The following PLEKHA7 variants were observed in gnomAD, a reference collection of about 807,000 sequenced individuals.
PLEKHA7 encodes the protein pleckstrin homology domain containing A7.
Under a neutral mutation model 170.0 loss-of-function variants are expected in PLEKHA7, and 104 were observed. The ratio of observed to expected loss-of-function variants is 0.61; its 90% CI spans 0.52 to 0.72. The LOEUF (loss-of-function observed/expected upper bound fraction) is 0.72. PLEKHA7 is among the 30% of genes least tolerant of loss of function. The probability of loss-of-function intolerance (pLI) is 0.00; values close to 1 mark genes in which losing one functional copy is unlikely to be tolerated. For missense variants in PLEKHA7, 1,615 were observed against 1,671.7 expected, an observed-to-expected ratio of 0.97 and a Z score of 0.59; for synonymous variants, 648 against 660.8, an observed-to-expected ratio of 0.98 and a Z score of 0.30.
At chr11:16,982,509 G>A (rs1272932475) in intron 3 of PLEKHA7, among the ~76,000 whole-genome samples, 1 of 152,226 alleles carries the variant, frequency 6.6e-6, no homozygotes, top group Non-Finnish European at 1.5e-5. Flanking sequence ...CCACTCTACA[G>A]AGATCTCAAG....
intron 3 of PLEKHA7, among the ~76,000 whole-genome samples, chr11:16,875,413 C>T (rs972172650): frequency 6.7e-6 from 1 of 149,946 alleles, no homozygotes. Context: ...AGAGTAATGG[C>T]TTCTGAATAC....
At chr11:16,843,773 C>T (rs1235201681) in intron 8 of PLEKHA7, among the ~76,000 whole-genome samples, 4 of 152,008 alleles carry the variant, frequency 2.6e-5, no homozygotes, top group Admixed American at 6.5e-5. Flanking sequence ...CCCATCTCTA[C>T]TAAAAATAAA....
chr11:16,780,514 C>T (rs888037477), intron 26 of PLEKHA7, among the ~76,000 whole-genome samples: 3 of 152,240 alleles, frequency 2.0e-5, no homozygotes, highest in African/African-American at 4.8e-5. Context: ...ATCTGTAGAA[C>T]TGGACTTTTC....
chr11:16,885,314 A>G (rs1856000521), intron 3 of PLEKHA7, among the ~76,000 whole-genome samples: 1 of 150,664 alleles, frequency 6.6e-6, no homozygotes, highest in South Asian at 2.1e-4. Flanking sequence ...TGGGCGACAG[A>G]GTGAGACTCC....
At chr11:17,007,050 C>T (rs192705843) in intron 3 of PLEKHA7, among the ~76,000 whole-genome samples, 55 of 152,322 alleles carry the variant, frequency 3.6e-4, no homozygotes, top group Non-Finnish European at 5.0e-4. Flanking sequence ...CTCGGAGGAC[C>T]AGGTTCTTAA....
intron 9 of PLEKHA7, among the ~76,000 whole-genome samples, chr11:16,839,197 A>T (rs1851766591): frequency 6.6e-6 from 1 of 152,058 alleles, no homozygotes; most frequent in Non-Finnish European, 1.5e-5. Flanking sequence ...ATATATACTG[A>T]TATTGAGTGA....
intron 4 of PLEKHA7, among the ~76,000 whole-genome samples, chr11:16,869,637 G>A (rs1288778503): frequency 2.6e-5 from 4 of 152,156 alleles, no homozygotes; most frequent in African/African-American, 9.7e-5. Context: ...TGGTATGTGT[G>A]GAATTTGCTT....
At chr11:16,985,962 T>C (rs367726962) in intron 3 of PLEKHA7, among the ~76,000 whole-genome samples, 3 of 152,316 alleles carry the variant, frequency 2.0e-5, no homozygotes, top group African/African-American at 4.8e-5. Context: ...TCACAAACCC[T>C]TGATGGCGGG....
intron 3 of PLEKHA7, among the ~76,000 whole-genome samples, chr11:16,955,040 T>C (rs1380438732): frequency 6.6e-6 from 1 of 152,174 alleles, no homozygotes; most frequent in Non-Finnish European, 1.5e-5. Flanking sequence ...TTTTTGCAAA[T>C]GTCAGAGTAA....
At position 16,948,635 on chromosome 11, in the gene PLEKHA7, C is replaced by G. The variant is rs117358319; in HGVS notation, c.221+65354G>C. Among the ~76,000 whole-genome samples, 7 of 124,362 alleles carry G rather than the reference C, an allele frequency of 5.6e-5. 1 individual carries two copies. In the East Asian group the frequency reaches 1.7e-3, roughly 31 times the overall value. The allele number at this position is 124,362 out of a possible 152,430, so 81.6% of individuals were successfully genotyped here. On this transcript the variant is annotated intron_variant, in intron 3 of 26. Coordinates refer to ENST00000531066, the MANE Select transcript of PLEKHA7 (RefSeq NM_001329630.2). ...ACATGCACACACATGTGCACACACA[C>G]AGAGTGAAGGAGGAACACACACACA...
chr11:16,988,960 G>A, intron 3 of PLEKHA7, among the ~76,000 whole-genome samples: 1 of 152,150 alleles, frequency 6.6e-6, no homozygotes, highest in East Asian at 1.9e-4. Flanking sequence ...AGTTCATTCA[G>A]CTGTTGCTTG....
intron 3 of PLEKHA7, among the ~76,000 whole-genome samples, chr11:16,891,689 A>G (rs1489870401): frequency 1.3e-5 from 2 of 152,194 alleles, no homozygotes; most frequent in Non-Finnish European, 2.9e-5. Flanking sequence ...GTAAAATGTT[A>G]TTCAATTTTA....
intron 4 of PLEKHA7, among the ~76,000 whole-genome samples, chr11:16,870,855 G>A (rs545281210): frequency 1.3e-4 from 20 of 152,264 alleles, no homozygotes; most frequent in African/African-American, 4.3e-4. Flanking sequence ...GAACTTTAAA[G>A]AGGCTCTGAC....
intron 3 of PLEKHA7, among the ~76,000 whole-genome samples, chr11:16,998,186 G>C (rs1864452908): frequency 1.3e-5 from 2 of 152,258 alleles, no homozygotes; most frequent in Admixed American, 1.3e-4. Flanking sequence ...ATAAACATTT[G>C]TAAAATAAAC....
chr11:16,820,596 C>G (rs1850136575), intron 10 of PLEKHA7, among the ~76,000 whole-genome samples: 1 of 152,164 alleles, frequency 6.6e-6, no homozygotes, highest in South Asian at 2.1e-4. Flanking sequence ...CTGGGGAGTT[C>G]AGGACTTGAC....
chr11:16,892,987 C>G (rs1245468937), intron 3 of PLEKHA7, among the ~76,000 whole-genome samples: 3 of 152,152 alleles, frequency 2.0e-5, no homozygotes, highest in Admixed American at 2.0e-4. Context: ...CCCTAGGGCC[C>G]CTTTTATAGG....
intron 3 of PLEKHA7, among the ~76,000 whole-genome samples, chr11:16,958,814 G>A (rs2136582434): frequency 6.6e-6 from 1 of 152,014 alleles, no homozygotes; most frequent in East Asian, 1.9e-4. Flanking sequence ...TTGCTCAATT[G>A]CACAGCCGAT....
intron 17 of PLEKHA7, among the ~76,000 whole-genome samples, chr11:16,797,861 C>T (rs1022738673): frequency 6.6e-6 from 1 of 152,112 alleles, no homozygotes; most frequent in Non-Finnish European, 1.5e-5. Flanking sequence ...CCCCTGATGC[C>T]TTTCTGTCAC....
At chr11:16,921,944 T>C (rs146279660) in intron 3 of PLEKHA7, among the ~76,000 whole-genome samples, 171 of 152,356 alleles carry the variant, frequency 1.1e-3, no homozygotes, top group Non-Finnish European at 2.2e-3. Flanking sequence ...TAATATTCCC[T>C]AATCCTGGCT....
Sources: allele counts gnomAD v4.1 joint callset (sites outside exome capture counted in the v4.1 genomes callset), GRCh38; gene constraint gnomAD v4.1.1; transcripts MANE v1.5; gene names NCBI Gene and HGNC (gene_info 2026-07-23, HGNC 2026-07-21).